Variants in DHDDS observed in about 807,000 individuals in gnomAD.
DHDDS encodes the protein dehydrodolichyl diphosphate synthase complex subunit DHDDS.
DHDDS carries 16 observed loss-of-function variants against 46.2 expected under a neutral mutation model. The ratio of observed to expected loss-of-function variants is 0.35; its 90% CI spans 0.23 to 0.53. DHDDS has a LOEUF of 0.53. Ranked by LOEUF, DHDDS falls within the 20% of genes least tolerant of loss-of-function variation. The probability of loss-of-function intolerance (pLI) is 0.94; values close to 1 mark genes in which losing one functional copy is unlikely to be tolerated. For missense variants in DHDDS, 340 were observed against 423.7 expected (o/e 0.80, Z 1.73); for synonymous variants, 151 against 163.1 (o/e 0.93, Z 0.56).
chr1:26,454,202 C>T (rs764821998), intron 6 of DHDDS, among the ~76,000 whole-genome samples: 1 of 152,156 alleles, frequency 6.6e-6, no homozygotes, highest in African/African-American at 2.4e-5. Context: ...ATCTGCCCGC[C>T]TCGGCCTCCC....
At chr1:26,433,128 A>G in intron 2 of DHDDS, 120 bp downstream of exon 2, 4 of 1,049,600 alleles carry the variant, frequency 3.8e-6, no homozygotes, top group Admixed American at 3.9e-5. Context: ...GAATTTAGCA[A>G]GGAAACCAAA....
intron 6 of DHDDS, among the ~76,000 whole-genome samples, chr1:26,454,425 G>A (rs1421266451): frequency 6.6e-6 from 1 of 152,126 alleles, no homozygotes; most frequent in Non-Finnish European, 1.5e-5. Flanking sequence ...AACTCAGAGA[G>A]ACTGAGTCTC....
At position 26,469,754 on chromosome 1, in the gene DHDDS, G is replaced by A. The variant is rs77122971; in HGVS notation, c.*623G>A. ...AGACTCAGCACCCCCAATGGTGCGC[G>A]GAAGCCAGGCGGGCGATTACAATCC... On this transcript the variant is annotated 3_prime_UTR_variant, in exon 9 of 9. Transcript: ENST00000236342. 1,273 of 159,396 alleles carry A rather than the reference G, an allele frequency of 8.0e-3. 27 individuals carry two copies. Among genetic ancestry groups the A allele is most frequent in the African/African-American group, 0.029 (1,209 of 41,622 alleles). 9.9% of individuals were successfully genotyped at this position (159,396 alleles called of 1,614,324 possible).
rs11381495 is a variant in DHDDS at position 26,458,737 on chromosome 1, C to CAA, written c.657+850_657+851dup. Among the ~76,000 whole-genome samples, 267 of 71,496 alleles carry CAA rather than the reference C, an allele frequency of 3.7e-3. 2 individuals are homozygous for CAA. Among genetic ancestry groups the CAA allele is most frequent in the African/African-American group, 6.9e-3 (120 of 17,308 alleles). The allele number at this position is 71,496 out of a possible 152,430, so 46.9% of individuals were successfully genotyped here. On this transcript the variant is annotated intron_variant, in intron 7 of 8. Transcript: ENST00000236342. ...TGGGCAACAGAGTGAGACTCTGTCG[C>CAA]AAAAAAAAAAAAAAAAAAAGAAAAG...
intron 8 of DHDDS, chr1:26,463,314 T>C (rs1383535528): frequency 6.6e-6 from 1 of 152,054 alleles, no homozygotes; most frequent in African/African-American, 2.4e-5. Context: ...TAGAAACAAG[T>C]GAAACTAGCT....
At chr1:26,468,653 A>T (rs1410905449) in intron 8 of DHDDS, among the ~76,000 whole-genome samples, 1 of 152,152 alleles carries the variant, frequency 6.6e-6, no homozygotes, top group African/African-American at 2.4e-5. Context: ...AAACTTTAAG[A>T]AGTACAGACG....
chr1:26,455,907 C>G (rs2075366095), intron 6 of DHDDS, among the ~76,000 whole-genome samples: 1 of 152,184 alleles, frequency 6.6e-6, no homozygotes, highest in Non-Finnish European at 1.5e-5. Flanking sequence ...AGATGTAACT[C>G]TAACTACCTG....
intron 3 of DHDDS, among the ~76,000 whole-genome samples, chr1:26,442,075 A>G (rs754360261): frequency 4.6e-5 from 7 of 152,180 alleles, no homozygotes; most frequent in Non-Finnish European, 7.3e-5. Context: ...ATGGAATCAG[A>G]CAGTTGAGGA....
chr1:26,435,430 CTTTTTTTTTTTT>C (rs35735570), intron 2 of DHDDS, among the ~76,000 whole-genome samples: 7 of 62,488 alleles, frequency 1.1e-4, no homozygotes, highest in Admixed American at 2.4e-4. Flanking sequence ...GAATTAGTGC[CTTTTTTTTTTTT>C]TTTTTTTTTT....
chr1:26,459,501 C>T (rs1204450605), intron 7 of DHDDS, among the ~76,000 whole-genome samples: 1 of 152,220 alleles, frequency 6.6e-6, no homozygotes, highest in Non-Finnish European at 1.5e-5. Flanking sequence ...TCCAGTTTTA[C>T]ATTTGAGGAA....
intron 6 of DHDDS, among the ~76,000 whole-genome samples, chr1:26,455,666 G>C (rs753968211): frequency 2.6e-5 from 4 of 152,130 alleles, no homozygotes; most frequent in Non-Finnish European, 5.9e-5. Context: ...AGAATCACTT[G>C]AACCCGAGAG....
intron 4 of DHDDS, 30 bp from the exon 5 acceptor site, chr1:26,446,286 A>T: frequency 6.2e-7 from 1 of 1,607,814 alleles, no homozygotes; most frequent in Non-Finnish European, 8.5e-7. Context: ...CAGGGGCCCT[A>T]TCCCAATGCT....
At chr1:26,443,043 T>A in intron 4 of DHDDS, 170 bp downstream of exon 4, 1 of 1,130,738 alleles carries the variant, frequency 8.8e-7, no homozygotes, top group Non-Finnish European at 1.2e-6. Flanking sequence ...TTTCATTCTT[T>A]ATTTCTAACT....
At chr1:26,436,997 C>T (rs959235199) in intron 2 of DHDDS, among the ~76,000 whole-genome samples, 1 of 151,720 alleles carries the variant, frequency 6.6e-6, no homozygotes, top group East Asian at 2.0e-4. Context: ...GGTGAAACCC[C>T]GTCTCTACTA....
chr1:26,470,697 C>A lies in DHDDS; in HGVS notation c.*1566C>A, dbSNP rs2075546537. ...TCAGTGAACCCTTTGGCAAAGCCCC[C>A]ATCCACACCTGGCACTCCCCTCTAC... On this transcript the variant is annotated 3_prime_UTR_variant, in exon 9 of 9. Transcript: ENST00000236342. The A allele has an allele frequency of 6.5e-6, 1 of 152,694 alleles. No homozygotes were observed. The highest frequency in any genetic ancestry group is 1.5e-5 in the Non-Finnish European group (1 of 68,102). 9.5% of individuals were successfully genotyped at this position (152,694 alleles called of 1,614,324 possible).
intron 8 of DHDDS, among the ~76,000 whole-genome samples, chr1:26,466,782 T>C (rs2075493444): frequency 2.0e-5 from 3 of 152,240 alleles, no homozygotes; most frequent in African/African-American, 4.8e-5. Context: ...GTGGCGGTGA[T>C]AGAACAGCTA....
At chr1:26,463,430 C>CA (rs2075445906) in intron 8 of DHDDS, 1 of 152,218 alleles carries the variant, frequency 6.6e-6, no homozygotes. Context: ...CAGGATAATA[C>CA]AAACTGCAAC....
intron 3 of DHDDS, 116 bp from the exon 4 acceptor site, chr1:26,442,615 G>A: frequency 2.5e-6 from 3 of 1,221,700 alleles, no homozygotes; most frequent in Non-Finnish European, 3.6e-6. Flanking sequence ...ACCCAGCTTT[G>A]GGGAGGAGAA....
At chr1:26,447,911 G>T (rs1313086583) in intron 6 of DHDDS, 4 of 599,446 alleles carry the variant, frequency 6.7e-6, no homozygotes, top group Non-Finnish European at 1.2e-5. Context: ...TCTAATTAGG[G>T]GAGCATGTGG....
Sources: allele counts gnomAD v4.1 joint callset (sites outside exome capture counted in the v4.1 genomes callset), GRCh38; gene constraint gnomAD v4.1.1; transcripts MANE v1.5; gene names NCBI Gene and HGNC (gene_info 2026-07-23, HGNC 2026-07-21).